Variants in SPATA45 observed in about 807,000 individuals in gnomAD.
SPATA45 encodes the protein spermatogenesis-associated protein 45.
SPATA45 carries 5 observed loss-of-function variants against 7.0 expected under a neutral mutation model. That is an observed-to-expected ratio of 0.71 (90% confidence interval 0.37 to 1.50). SPATA45 has a LOEUF of 1.50. Ranked by LOEUF, SPATA45 falls within the 40% of genes most tolerant of loss-of-function variation. The pLI is 0.03. For missense variants in SPATA45, 111 were observed against 114.9 expected (o/e 0.97, Z 0.16); for synonymous variants, 40 against 38.7 (o/e 1.03, Z -0.13).
Position 212,836,205 on chromosome 1 carries a change from A to G in SPATA45, c.-38-18T>C. 5.5e-6 allele frequency: 8 copies of G among 1,464,704 alleles called. No homozygotes were observed. Among genetic ancestry groups the G allele is most frequent in the Non-Finnish European group, 7.4e-6 (8 of 1,074,736 alleles). 90.7% of individuals were successfully genotyped at this position (1,464,704 alleles called of 1,614,324 possible). A position where few individuals can be genotyped will look rare whatever the true frequency, so the allele number is the denominator to read the frequency against. On this transcript the variant is annotated intron_variant, in intron 1 of 2. Transcript: ENST00000332912. ...TTGCTGTCCTACAAACAAATGAAAAAATACTTTCAATTGTCTTTTTGACTC... is the reference window on the plus strand; with the variant it reads ...TTGCTGTCCTACAAACAAATGAAAAGATACTTTCAATTGTCTTTTTGACTC...
In SPATA45 at chr1:212,836,953, G is replaced by A. The variant is rs570768489; in HGVS notation, c.-38-766C>T. 6.6e-5 allele frequency among the ~76,000 whole-genome samples: 10 copies of A among 151,040 alleles called. No homozygotes were observed. In the East Asian group the frequency reaches 7.8e-4, roughly 12 times the overall value. On this transcript the variant is annotated intron_variant, in intron 1 of 2. Transcript: ENST00000332912. ...ATTACAGGCATGAGCCACCGTACCC[G>A]GCCACACCTCACTTTTTATTATTGT...
At chr1:212,833,105 A>G (rs954524539) in intron 2 of SPATA45, among the ~76,000 whole-genome samples, 2 of 151,380 alleles carry the variant, frequency 1.3e-5, no homozygotes, top group African/African-American at 4.8e-5. Flanking sequence ...GTTTATTTTT[A>G]ATTTCAGTAG....
At chr1:212,841,695 C>T (rs901680838) in intron 1 of SPATA45, among the ~76,000 whole-genome samples, 1 of 147,868 alleles carries the variant, frequency 6.8e-6, no homozygotes, top group East Asian at 2.0e-4. Context: ...CTGGGCGTCA[C>T]TCCCTCTCAA....
chr1:212,831,939 C>T (rs1393802248), intron 2 of SPATA45, among the ~76,000 whole-genome samples: 1 of 150,810 alleles, frequency 6.6e-6, no homozygotes, highest in African/African-American at 2.4e-5. Flanking sequence ...CCAACACTTC[C>T]TATCCCCCAC....
At chr1:212,845,223 A>G (rs1311457079) in intron 1 of SPATA45, among the ~76,000 whole-genome samples, 2 of 152,164 alleles carry the variant, frequency 1.3e-5, no homozygotes, top group Non-Finnish European at 2.9e-5. Context: ...ATCACTTCTC[A>G]GTGTTCCATC....
chr1:212,836,318 C>A (rs1425382236), intron 1 of SPATA45, 131 bp from the exon 2 acceptor site: 1 of 673,364 alleles, frequency 1.5e-6, no homozygotes, highest in South Asian at 2.0e-5. Context: ...CCTCCCACCC[C>A]ACGCTTCACT....
intron 2 of SPATA45, 130 bp from the exon 3 acceptor site, chr1:212,830,391 G>A: frequency 3.7e-6 from 2 of 539,414 alleles, no homozygotes; most frequent in South Asian, 4.9e-5. Flanking sequence ...CACCAAATGG[G>A]CCGGGTGCGG....
intron 1 of SPATA45, among the ~76,000 whole-genome samples, chr1:212,840,808 CG>C (rs1663667560): frequency 6.6e-6 from 1 of 151,568 alleles, no homozygotes; most frequent in Non-Finnish European, 1.5e-5. Context: ...TTAGTAGAGA[CG>C]GGGTTTCACC....
intron 2 of SPATA45, among the ~76,000 whole-genome samples, chr1:212,834,332 G>A (rs778419146): frequency 6.6e-6 from 1 of 151,308 alleles, no homozygotes; most frequent in Admixed American, 6.6e-5. Context: ...TCAGCTGCCT[G>A]CCTAGACTAA....
chr1:212,845,327 G>T (rs1318347924), intron 1 of SPATA45, among the ~76,000 whole-genome samples: 7 of 152,124 alleles, frequency 4.6e-5, no homozygotes, highest in Admixed American at 4.6e-4. Flanking sequence ...CTGGCAAATT[G>T]ACTTTACTCA....
chr1:212,835,944 T>C lies in SPATA45; in HGVS notation c.206A>G (p.Asn69Ser), dbSNP rs753856721. Reference sequence around the variant, plus strand: ...CTTGATCCAGGAGCTCCTGCCACTGTTGGGAACAGGCTCTTTGGTTGTGGT... The same window carrying C: ...CTTGATCCAGGAGCTCCTGCCACTGCTGGGAACAGGCTCTTTGGTTGTGGT... ...TDTTTKEPVP[N>S]SGRSSWIKLS... is the part of the protein sequence containing the mutation. The change falls in exon 2 of 3, where the codon AAC becomes AGC. Residue 69 changes from asparagine to serine, a missense_variant. Coordinates refer to ENST00000332912, the MANE Select transcript of SPATA45 (RefSeq NM_001024601.3). 5.6e-6 allele frequency: 9 copies of C among 1,610,618 alleles called. No individual in the cohort carries two copies. The East Asian group carries it at 8.9e-5, about 16-fold the overall frequency.
chr1:212,836,847 C>T (rs1378089115), intron 1 of SPATA45, among the ~76,000 whole-genome samples: 1 of 146,508 alleles, frequency 6.8e-6, no homozygotes, highest in African/African-American at 2.5e-5. Flanking sequence ...TTAGTAAAGA[C>T]GGGGTGTCAC....
intron 1 of SPATA45, among the ~76,000 whole-genome samples, chr1:212,844,933 C>A (rs1026196335): frequency 6.6e-6 from 1 of 152,164 alleles, no homozygotes; most frequent in Non-Finnish European, 1.5e-5. Flanking sequence ...GATAAGGTAA[C>A]CAAAGAAGCA....
intron 1 of SPATA45, among the ~76,000 whole-genome samples, chr1:212,846,751 C>G (rs571474913): frequency 6.6e-6 from 1 of 152,220 alleles, no homozygotes; most frequent in South Asian, 2.1e-4. Flanking sequence ...AAATAAACAG[C>G]CTTGTTGCTC....
At chr1:212,833,555 C>G (rs1663528217) in intron 2 of SPATA45, among the ~76,000 whole-genome samples, 2 of 150,174 alleles carry the variant, frequency 1.3e-5, no homozygotes, top group East Asian at 3.9e-4. Flanking sequence ...GCAATCCCAG[C>G]TACTTGGGAG....
intron 2 of SPATA45, among the ~76,000 whole-genome samples, chr1:212,831,160 A>G (rs1387768520): frequency 6.6e-6 from 1 of 150,584 alleles, no homozygotes; most frequent in East Asian, 2.0e-4. Flanking sequence ...AATTAAAAAA[A>G]AAAAAAGAAA....
chr1:212,833,630 C>A (rs1663528776), intron 2 of SPATA45, among the ~76,000 whole-genome samples: 1 of 151,652 alleles, frequency 6.6e-6, no homozygotes, highest in African/African-American at 2.4e-5. Flanking sequence ...TGCACTTCAG[C>A]CTGGGTGACA....
intron 1 of SPATA45, among the ~76,000 whole-genome samples, chr1:212,846,958 C>T (rs1663809206): frequency 6.6e-6 from 1 of 152,090 alleles, no homozygotes; most frequent in African/African-American, 2.4e-5. Context: ...GTGACTTGAT[C>T]ACAGCTCACT....
chr1:212,834,429 C>G (rs1289366193), intron 2 of SPATA45, among the ~76,000 whole-genome samples: 2 of 151,148 alleles, frequency 1.3e-5, no homozygotes, highest in African/African-American at 4.8e-5. Context: ...CCATGCCATC[C>G]CCTGCCCCCA....
Sources: allele counts gnomAD v4.1 joint callset (sites outside exome capture counted in the v4.1 genomes callset), GRCh38; gene constraint gnomAD v4.1.1; transcripts MANE v1.5; gene names NCBI Gene and HGNC (gene_info 2026-07-23, HGNC 2026-07-21).